TNIK: variants seen among roughly 807,000 people sequenced by gnomAD.
The protein encoded by TNIK is TRAF2 and NCK-interacting protein kinase.
TNIK carries 49 observed loss-of-function variants against 191.3 expected under a neutral mutation model. The ratio of observed to expected loss-of-function variants is 0.26; its 90% CI spans 0.20 to 0.32. The LOEUF (loss-of-function observed/expected upper bound fraction) is 0.32. Among genes scored for constraint, TNIK ranks in the 10% least tolerant of loss-of-function variants. The pLI is 1.00. For missense variants in TNIK, 1,155 were observed against 1,702.3 expected (o/e 0.68, Z 5.66); for synonymous variants, 594 against 600.9 (o/e 0.99, Z 0.17).
intron 1 of TNIK, among the ~76,000 whole-genome samples, chr3:171,440,379 A>G (rs1368222471): frequency 6.6e-6 from 1 of 152,188 alleles, no homozygotes. Flanking sequence ...AACCCATTAC[A>G]ATTTGAAAAA....
intron 2 of TNIK, among the ~76,000 whole-genome samples, chr3:171,249,255 A>G (rs745431008): frequency 3.9e-5 from 6 of 152,322 alleles, no homozygotes; most frequent in South Asian, 4.1e-4. Context: ...CCCACTCCCT[A>G]TTAAGTCCAA....
chr3:171,288,335 AG>A (rs934394582), intron 2 of TNIK, among the ~76,000 whole-genome samples: 4 of 145,350 alleles, frequency 2.8e-5, no homozygotes, highest in Admixed American at 1.3e-4. Context: ...AAAAAAAAAA[AG>A]AAAATATTTG....
At chr3:171,429,233 GA>G (rs1385606257) in intron 1 of TNIK, among the ~76,000 whole-genome samples, 1 of 152,126 alleles carries the variant, frequency 6.6e-6, no homozygotes, top group Non-Finnish European at 1.5e-5. Context: ...AGGGTATCAT[GA>G]TCCCCAAATA....
At chr3:171,358,494 C>T (rs912146167) in intron 2 of TNIK, among the ~76,000 whole-genome samples, 1 of 152,216 alleles carries the variant, frequency 6.6e-6, no homozygotes, top group Admixed American at 6.5e-5. Flanking sequence ...ATTCAATCAT[C>T]TACACCTGGC....
intron 2 of TNIK, among the ~76,000 whole-genome samples, chr3:171,282,334 G>GTTTTTTTTTTTTTTTT (rs201489240): frequency 0.013 from 1,440 of 114,126 alleles, 137 homozygotes; most frequent in Non-Finnish European, 0.02. Context: ...TCTCTTAATG[G>GTTTTTTTTTTTTTTTT]TTTTTTGTTT....
At chr3:171,092,683 CA>C (rs2108412366) in intron 23 of TNIK, among the ~76,000 whole-genome samples, 1 of 152,352 alleles carries the variant, frequency 6.6e-6, no homozygotes, top group Admixed American at 6.5e-5. Context: ...GAAATTCTAG[CA>C]AGTTGCTTTG....
intron 10 of TNIK, among the ~76,000 whole-genome samples, chr3:171,166,091 A>G (rs1306715618): frequency 6.6e-6 from 1 of 152,220 alleles, no homozygotes; most frequent in Non-Finnish European, 1.5e-5. Context: ...GGTGAGAGAT[A>G]CCATACCGAT....
intron 1 of TNIK, among the ~76,000 whole-genome samples, chr3:171,375,072 T>C (rs889515417): frequency 2.6e-5 from 4 of 152,176 alleles, no homozygotes; most frequent in Non-Finnish European, 5.9e-5. Context: ...ACCTGGTAGC[T>C]CTCTAACCTT....
At chr3:171,417,097 C>A (rs1235397820) in intron 1 of TNIK, among the ~76,000 whole-genome samples, 1 of 152,156 alleles carries the variant, frequency 6.6e-6, no homozygotes, top group Non-Finnish European at 1.5e-5. Context: ...TGTACTGAGG[C>A]ACTGTACATC....
At chr3:171,081,974 C>T (rs550386610) in intron 27 of TNIK, among the ~76,000 whole-genome samples, 1 of 152,176 alleles carries the variant, frequency 6.6e-6, no homozygotes, top group Admixed American at 6.5e-5. Flanking sequence ...ATCCGAAGAT[C>T]CTTGCTGAGT....
chr3:171,450,565 C>T (rs1472605016), intron 1 of TNIK, among the ~76,000 whole-genome samples: 2 of 152,180 alleles, frequency 1.3e-5, no homozygotes, highest in African/African-American at 2.4e-5. Flanking sequence ...AATTGGATCA[C>T]CAATCACCAA....
intron 1 of TNIK, among the ~76,000 whole-genome samples, chr3:171,419,080 G>C (rs558054781): frequency 6.6e-6 from 1 of 152,208 alleles, no homozygotes; most frequent in Admixed American, 6.5e-5. Flanking sequence ...CCAAGCTTTT[G>C]ATTCTATTTA....
intron 1 of TNIK, among the ~76,000 whole-genome samples, chr3:171,389,165 G>T (rs1719124115): frequency 6.6e-6 from 1 of 152,028 alleles, no homozygotes; most frequent in Admixed American, 6.5e-5. Flanking sequence ...GTTCACAAGG[G>T]ATCTAGCACA....
At chr3:171,173,728 G>A (rs1448800156) in intron 9 of TNIK, among the ~76,000 whole-genome samples, 1 of 152,098 alleles carries the variant, frequency 6.6e-6, no homozygotes. Flanking sequence ...CTCAGAATAC[G>A]TGTCCTGCAG....
intron 2 of TNIK, among the ~76,000 whole-genome samples, chr3:171,323,530 C>T (rs757909034): frequency 6.6e-6 from 1 of 152,150 alleles, no homozygotes. Context: ...TGGGCACTGA[C>T]AATTTCGGGG....
chr3:171,251,177 T>C (rs1285655686), intron 2 of TNIK, among the ~76,000 whole-genome samples: 1 of 152,176 alleles, frequency 6.6e-6, no homozygotes, highest in Non-Finnish European at 1.5e-5. Context: ...GCCTGTGGTC[T>C]GGGAAGAACA....
chr3:171,190,866 C>A, intron 5 of TNIK, 79 bp from the exon 6 acceptor site: 1 of 1,119,570 alleles, frequency 8.9e-7, no homozygotes, highest in Admixed American at 2.3e-5. Flanking sequence ...TGTTAAGGAT[C>A]CAAAAACTTT....
At chr3:171,095,991 T>C (rs181337134) in intron 22 of TNIK, among the ~76,000 whole-genome samples, 2 of 152,368 alleles carry the variant, frequency 1.3e-5, no homozygotes, top group African/African-American at 4.8e-5. Context: ...TTGTTTATCT[T>C]GTGTGTATCT....
intron 12 of TNIK, among the ~76,000 whole-genome samples, chr3:171,152,050 G>A (rs1169228061): frequency 6.6e-6 from 1 of 152,130 alleles, no homozygotes; most frequent in East Asian, 1.9e-4. Flanking sequence ...GGAGACCGAG[G>A]CAGGCAGATC....
Sources: gnomAD v4.1 joint callset for allele counts (sites outside exome capture counted in the v4.1 genomes callset) on GRCh38, gnomAD v4.1.1 for gene constraint, MANE v1.5 for transcripts, NCBI Gene and HGNC (gene_info 2026-07-23, HGNC 2026-07-21) for gene names.